Variants in HSP90AA1 observed in about 807,000 individuals in gnomAD.
HSP90AA1 encodes the protein heat shock protein HSP 90-alpha.
A neutral mutation model predicts 73.3 loss-of-function variants in HSP90AA1; 18 were observed. The observed-to-expected ratio is 0.25, with a 90% CI of 0.17 to 0.36. The LOEUF (loss-of-function observed/expected upper bound fraction) is 0.36, where lower values mean the gene tolerates loss of function less well. Ranked by LOEUF, HSP90AA1 falls within the 10% of genes least tolerant of loss-of-function variation. The pLI, the probability that HSP90AA1 is intolerant of heterozygous loss-of-function variation, is 1.00. For synonymous variants in HSP90AA1, 477 were observed against 296.9 expected (o/e 1.61, Z -6.24); for missense variants, 704 against 874.2 (o/e 0.81, Z 2.45).
At position 102,083,795 on chromosome 14, in the gene HSP90AA1, TTA is replaced by T. The variant is rs2049154241; in HGVS notation, c.1334_1335del (p.Ile445LysfsTer27). ...KKFYEQFSKNIKLGIHEDSQN... is the reference protein window; with the variant it reads ...KKFYEQFSKNXKLGIHEDSQN... ...AACTAATGGTTATTTACACCAACCT[TTA>T]TGTTTTTAGAGAACTGCTCATAGAA... is the stretch of plus-strand genomic sequence containing the variant. On this transcript the variant is annotated frameshift_variant, in exon 7 of 11. Coordinates refer to ENST00000216281, the MANE Select transcript of HSP90AA1 (RefSeq NM_005348.4). LOFTEE classifies it high-confidence loss of function. The T allele has an allele frequency of 6.2e-7, 1 of 1,612,116 alleles. No homozygotes were observed. Among genetic ancestry groups the T allele is most frequent in the Admixed American group, 1.7e-5 (1 of 59,898 alleles).
intron 1 of HSP90AA1, among the ~76,000 whole-genome samples, chr14:102,137,492 A>T (rs2050019236): frequency 6.6e-6 from 1 of 151,234 alleles, no homozygotes; most frequent in African/African-American, 2.4e-5. Context: ...CGCCTGGCTA[A>T]TTTTTGTACT....
At chr14:102,105,461 A>C (rs2049555011) in intron 1 of HSP90AA1, among the ~76,000 whole-genome samples, 1 of 152,188 alleles carries the variant, frequency 6.6e-6, no homozygotes, top group Non-Finnish European at 1.5e-5. Flanking sequence ...CTGAGTAGTA[A>C]GGAACAACCT....
intron 1 of HSP90AA1, among the ~76,000 whole-genome samples, chr14:102,130,428 C>T (rs74346236): frequency 0.028 from 4,244 of 152,254 alleles, 152 homozygotes; most frequent in African/African-American, 0.083. Flanking sequence ...TTAAATTTCT[C>T]CACATTCTCA....
At chr14:102,121,002 C>G (rs1275052986) in intron 1 of HSP90AA1, among the ~76,000 whole-genome samples, 1 of 144,628 alleles carries the variant, frequency 6.9e-6, no homozygotes, top group Non-Finnish European at 1.5e-5. Flanking sequence ...GCAACATACA[C>G]ACACACACAC....
chr14:102,112,175 G>GCT (rs751949279), intron 1 of HSP90AA1, among the ~76,000 whole-genome samples: 11 of 152,130 alleles, frequency 7.2e-5, no homozygotes, highest in Admixed American at 1.3e-4. Context: ...TCTATTATAT[G>GCT]CTCTCTCTCT....
rs2049801146 is a variant in HSP90AA1 at position 102,123,295 on chromosome 14, G to A, written c.155+15955C>T. On this transcript the variant is annotated intron_variant, in intron 1 of 11. Coordinates refer to the HSP90AA1 transcript ENST00000334701. ...CCTGTAATCCCAGCTACTTGAGAGGGTTAGGCAGAATTGCTTTAACCTGGG... is the reference window on the plus strand; with the variant it reads ...CCTGTAATCCCAGCTACTTGAGAGGATTAGGCAGAATTGCTTTAACCTGGG... Among the ~76,000 whole-genome samples, 3 of 152,086 alleles carry A rather than the reference G, an allele frequency of 2.0e-5. No homozygotes were observed. The South Asian group carries it at 6.2e-4, about 32-fold the overall frequency.
chr14:102,108,264 A>C (rs946784830), intron 1 of HSP90AA1, among the ~76,000 whole-genome samples: 6 of 17,090 alleles, frequency 3.5e-4, no homozygotes, highest in African/African-American at 4.2e-4. Context: ...CCTTGTCTCC[A>C]AAAAAAAAAA....
At position 102,083,952 on chromosome 14, in the gene HSP90AA1, A is replaced by G. The variant is rs749607683; in HGVS notation, c.1179T>C (p.Asp393=). 2.5e-6 allele frequency: 4 copies of G among 1,613,912 alleles called. No homozygotes were observed. In the South Asian group the frequency reaches 3.3e-5, roughly 13 times the overall value. ...NFIRGVVDSE[D]LPLNISREML... Reference sequence around the variant, plus strand: ...TCTCACGGGATATGTTTAGAGGGAGATCCTCCGAGTCTACCACCCCTCTAA... The same window carrying G: ...TCTCACGGGATATGTTTAGAGGGAGGTCCTCCGAGTCTACCACCCCTCTAA... Residue 393 remains aspartate, a synonymous_variant, in exon 7 of 11, where the codon GAT becomes GAC. Transcript: ENST00000216281.
intron 2 of HSP90AA1, among the ~76,000 whole-genome samples, chr14:102,099,499 G>A (rs888054852): frequency 6.6e-6 from 1 of 152,106 alleles, no homozygotes; most frequent in African/African-American, 2.4e-5. Context: ...CAGAGGTTGT[G>A]GTGAGCCGAG....
In HSP90AA1 at chr14:102,082,146, G is replaced by C. The variant is rs1174825969; in HGVS notation, c.2054C>G (p.Ala685Gly). Residue 685 changes from alanine to glycine, a missense_variant, in exon 10 of 11, where the codon GCT (alanine) becomes GGT (glycine). Ala to Gly is a moderately conservative substitution (Grantham distance 60). Coordinates refer to ENST00000216281, the MANE Select transcript of HSP90AA1 (RefSeq NM_005348.4). ...GFSLEDPQTHANRIYRMIKLG... is the reference protein window; with the variant it reads ...GFSLEDPQTHGNRIYRMIKLG... ...TTTGATCATCCTGTAGATCCTGTTA[G>C]CATGTGTCTGGGGATCTTCCAGACT... 6.2e-7 allele frequency: 1 copy of C among 1,613,366 alleles called. No homozygotes were observed.
chr14:102,099,291 G>T (rs1013477579), intron 2 of HSP90AA1, among the ~76,000 whole-genome samples: 10 of 152,056 alleles, frequency 6.6e-5, no homozygotes, highest in Admixed American at 6.6e-4. Flanking sequence ...GGGCACGGTG[G>T]CTCAAGCCTG....
At chr14:102,085,628 T>C in intron 3 of HSP90AA1, 130 bp downstream of exon 3, 17 of 1,403,858 alleles carry the variant, frequency 1.2e-5, no homozygotes, top group Non-Finnish European at 1.7e-5. Context: ...ACTAATTAAG[T>C]GCTCTAGCTT....
intron 1 of HSP90AA1, among the ~76,000 whole-genome samples, chr14:102,103,180 C>CAA (rs898771022): frequency 4.2e-3 from 155 of 36,664 alleles, no homozygotes; most frequent in Non-Finnish European, 5.3e-3. Flanking sequence ...GACTCAGTCT[C>CAA]AAAAAAAAAA....
rs555343554 is a variant in HSP90AA1 at position 102,083,798 on chromosome 14, T to A, written c.1333A>T (p.Ile445Leu). 2.5e-6 allele frequency: 4 copies of A among 1,612,438 alleles called. No homozygotes were observed. The highest frequency in any genetic ancestry group is 3.4e-6 in the Non-Finnish European group (4 of 1,179,158). The change falls in exon 7 of 11, where the codon ATA becomes TTA. Residue 445 changes from isoleucine (I) to leucine (L), a missense_variant. By Grantham distance (5) the Ile-to-Leu change is conservative. Coordinates refer to ENST00000216281, the MANE Select transcript of HSP90AA1 (RefSeq NM_005348.4). ...TAATGGTTATTTACACCAACCTTTA[T>A]GTTTTTAGAGAACTGCTCATAGAAT... is the stretch of plus-strand genomic sequence containing the variant. ...KKFYEQFSKN[I>L]KLGIHEDSQN...
chr14:102,092,144 C>T (rs965329279), intron 2 of HSP90AA1, among the ~76,000 whole-genome samples: 1 of 151,764 alleles, frequency 6.6e-6, no homozygotes, highest in Admixed American at 6.6e-5. Context: ...TCTTGGCTCA[C>T]TGCAACCTCC....
chr14:102,110,512 C>T (rs1015821162), intron 1 of HSP90AA1, among the ~76,000 whole-genome samples: 3 of 151,730 alleles, frequency 2.0e-5, no homozygotes, highest in African/African-American at 2.4e-5. Context: ...CTCTGCCTCC[C>T]GGGTTCAAGC....
rs188811293 is a variant in HSP90AA1 at position 102,104,292 on chromosome 14, C to G, written c.156-2207G>C. Among the ~76,000 whole-genome samples, 353 of 152,250 alleles carry G rather than the reference C, an allele frequency of 2.3e-3. 9 individuals carry two copies. The highest frequency in any genetic ancestry group is 0.02 in the Admixed American group (302 of 15,280). ...CGGCAAGATCTTGGCTCACTGCAACCTCTGCCTCCTGGATGCAAGCGATTC... is the reference window on the plus strand; with the variant it reads ...CGGCAAGATCTTGGCTCACTGCAACGTCTGCCTCCTGGATGCAAGCGATTC... On this transcript the variant is annotated intron_variant, in intron 1 of 11. Coordinates refer to the HSP90AA1 transcript ENST00000334701.
intron 2 of HSP90AA1, among the ~76,000 whole-genome samples, chr14:102,098,025 C>T (rs1299849572): frequency 6.6e-6 from 1 of 152,172 alleles, no homozygotes; most frequent in East Asian, 1.9e-4. Context: ...CTTTAGGAGA[C>T]AGGTCAACAT....
At chr14:102,095,540 C>G (rs2049413264) in intron 2 of HSP90AA1, among the ~76,000 whole-genome samples, 1 of 152,194 alleles carries the variant, frequency 6.6e-6, no homozygotes, top group South Asian at 2.1e-4. Flanking sequence ...AACTTCTGTT[C>G]TAGTCGGGGA....
Sources: gnomAD v4.1 joint callset for allele counts (sites outside exome capture counted in the v4.1 genomes callset) on GRCh38, gnomAD v4.1.1 for gene constraint, MANE v1.5 for transcripts, NCBI Gene and HGNC (gene_info 2026-07-23, HGNC 2026-07-21) for gene names.